The following CNTNAP5 variants were observed in gnomAD, a reference collection of about 807,000 sequenced individuals.
CNTNAP5 encodes the protein contactin-associated protein-like 5.
Under a neutral mutation model 150.2 loss-of-function variants are expected in CNTNAP5, and 72 were observed. The ratio of observed to expected loss-of-function variants is 0.48; its 90% CI spans 0.40 to 0.58. CNTNAP5 has a LOEUF of 0.58. CNTNAP5 is among the 20% of genes least tolerant of loss of function. CNTNAP5 has a pLI of 0.00. For missense variants in CNTNAP5, 1,636 were observed against 1,626.2 expected (o/e 1.01, Z -0.10); for synonymous variants, 672 against 619.8 (o/e 1.08, Z -1.25).
intron 1 of CNTNAP5, among the ~76,000 whole-genome samples, chr2:124,212,899 C>T (rs1686054620): frequency 1.6e-5 from 2 of 126,324 alleles, no homozygotes; most frequent in South Asian, 2.5e-4. Flanking sequence ...CGTGCAATGG[C>T]GCTATCTCTG....
At chr2:124,499,998 C>T (rs895476298) in intron 7 of CNTNAP5, among the ~76,000 whole-genome samples, 1 of 151,954 alleles carries the variant, frequency 6.6e-6, no homozygotes, top group African/African-American at 2.4e-5. Flanking sequence ...GTTGTAAATC[C>T]CAGCCTGAAC....
intron 3 of CNTNAP5, among the ~76,000 whole-genome samples, chr2:124,265,036 G>C (rs1418212172): frequency 6.6e-6 from 1 of 152,232 alleles, no homozygotes; most frequent in African/African-American, 2.4e-5. Context: ...CCCATAAATG[G>C]TGTTGCTAGA....
At position 124,533,443 on chromosome 2, in the gene CNTNAP5, C is replaced by G. The variant is rs114900387; in HGVS notation, c.1649+5987C>G. 3.3e-5 allele frequency among the ~76,000 whole-genome samples: 5 copies of G among 152,128 alleles called. No homozygotes were observed. In the East Asian group the frequency reaches 7.7e-4, roughly 23 times the overall value. On this transcript the variant is annotated intron_variant, in intron 10 of 23. Coordinates refer to ENST00000682447, the MANE Select transcript of CNTNAP5 (RefSeq NM_001367498.1). Reference sequence around the variant, plus strand: ...GCTGCTACTGGGCTGGCCTGGTGGCCGTACTCTGAGAACAATGCTGTAAAG... The same window carrying G: ...GCTGCTACTGGGCTGGCCTGGTGGCGGTACTCTGAGAACAATGCTGTAAAG...
intron 7 of CNTNAP5, among the ~76,000 whole-genome samples, chr2:124,478,909 C>T (rs574757304): frequency 3.2e-4 from 49 of 152,312 alleles, no homozygotes; most frequent in African/African-American, 1.0e-3. Flanking sequence ...CCTAACCTAA[C>T]GTATGCCTCT....
At chr2:124,726,716 G>T (rs1298161822) in intron 13 of CNTNAP5, among the ~76,000 whole-genome samples, 1 of 151,584 alleles carries the variant, frequency 6.6e-6, no homozygotes, top group African/African-American at 2.4e-5. Context: ...AGTTTCTTAT[G>T]GATTTTGATG....
chr2:124,054,735 G>A (rs1681800144), intron 1 of CNTNAP5, among the ~76,000 whole-genome samples: 1 of 152,110 alleles, frequency 6.6e-6, no homozygotes, highest in African/African-American at 2.4e-5. Context: ...ATAACTCACA[G>A]CACTCAAGCC....
At chr2:124,776,169 G>A (rs576402533) in intron 17 of CNTNAP5, among the ~76,000 whole-genome samples, 3 of 152,098 alleles carry the variant, frequency 2.0e-5, no homozygotes, top group Non-Finnish European at 2.9e-5. Context: ...CAAACTTAAC[G>A]CAAGATCTTT....
chr2:124,615,231 G>A (rs944852744), intron 12 of CNTNAP5, among the ~76,000 whole-genome samples: 2 of 152,244 alleles, frequency 1.3e-5, no homozygotes, highest in African/African-American at 4.8e-5. Context: ...CTTTTATGAA[G>A]GATTTCTGTG....
rs1354436081 is a variant in CNTNAP5 at position 124,160,934 on chromosome 2, T to A, written c.83-60771T>A. 2.0e-5 allele frequency among the ~76,000 whole-genome samples: 3 copies of A among 152,286 alleles called. No homozygotes were observed. The East Asian group carries it at 5.8e-4, about 29-fold the overall frequency. On this transcript the variant is annotated intron_variant, in intron 1 of 23. Coordinates refer to ENST00000682447, the MANE Select transcript of CNTNAP5 (RefSeq NM_001367498.1). ...CCTTATATTGTTTGTTTGTACTATA[T>A]CCTGCCAGTTTCACAAAGGCTTTGG...
At chr2:124,727,557 T>C (rs1255406220) in intron 13 of CNTNAP5, among the ~76,000 whole-genome samples, 2 of 152,014 alleles carry the variant, frequency 1.3e-5, no homozygotes, top group African/African-American at 4.8e-5. Flanking sequence ...TATTTCTAAG[T>C]AAATTCATTC....
intron 5 of CNTNAP5, among the ~76,000 whole-genome samples, chr2:124,445,995 C>T (rs1311923142): frequency 6.6e-6 from 1 of 152,052 alleles, no homozygotes; most frequent in Non-Finnish European, 1.5e-5. Context: ...GCAAAGCATG[C>T]CTTTCCAGCT....
chr2:124,530,948 A>T (rs574223242), intron 10 of CNTNAP5, among the ~76,000 whole-genome samples: 41 of 152,228 alleles, frequency 2.7e-4, no homozygotes, highest in South Asian at 1.5e-3. Flanking sequence ...TTTGGCATTC[A>T]GGGACTGGGG....
At chr2:124,087,684 T>C (rs887652859) in intron 1 of CNTNAP5, among the ~76,000 whole-genome samples, 1 of 151,856 alleles carries the variant, frequency 6.6e-6, no homozygotes, top group Admixed American at 6.5e-5. Context: ...ATGGTGCCAC[T>C]GTACTCCAGC....
At chr2:124,112,296 C>CA (rs1683316890) in intron 1 of CNTNAP5, among the ~76,000 whole-genome samples, 1 of 152,132 alleles carries the variant, frequency 6.6e-6, no homozygotes, top group African/African-American at 2.4e-5. Flanking sequence ...ACTATTTGGA[C>CA]AAGAATGTCT....
At chr2:124,078,332 T>G (rs1682485868) in intron 1 of CNTNAP5, among the ~76,000 whole-genome samples, 1 of 152,240 alleles carries the variant, frequency 6.6e-6, no homozygotes, top group Non-Finnish European at 1.5e-5. Context: ...AATAGCTTAT[T>G]GTATATAGGC....
chr2:124,438,618 A>T (rs770832718), intron 5 of CNTNAP5, among the ~76,000 whole-genome samples: 1 of 152,182 alleles, frequency 6.6e-6, no homozygotes, highest in Admixed American at 6.6e-5. Context: ...TGATTGCATA[A>T]TCAACCACTG....
At chr2:124,227,986 G>T (rs1349879983) in intron 2 of CNTNAP5, among the ~76,000 whole-genome samples, 1 of 151,598 alleles carries the variant, frequency 6.6e-6, no homozygotes, top group Non-Finnish European at 1.5e-5. Context: ...TATGAAAATG[G>T]GCTCACATGA....
rs139680306 is a variant in CNTNAP5 at position 124,904,065 on chromosome 2, CA to C, written c.3655+978del. Among the ~76,000 whole-genome samples, 358 of 123,958 alleles carry C rather than the reference CA, an allele frequency of 2.9e-3. 2 individuals carry two copies. Among genetic ancestry groups the C allele is most frequent in the Non-Finnish European group, 4.4e-3 (275 of 61,832 alleles). The allele number at this position is 123,958 out of a possible 152,430, so 81.3% of individuals were successfully genotyped here. ...TGAGACTCTGTTTCAAAAAAAAAAA[CA>C]AAAAAAAAAAAACCAAAATGTATCA... is the stretch of plus-strand genomic sequence containing the variant. On this transcript the variant is annotated intron_variant, in intron 22 of 23. Coordinates refer to ENST00000682447, the MANE Select transcript of CNTNAP5 (RefSeq NM_001367498.1).
At chr2:124,618,265 TA>T (rs201209830) in intron 12 of CNTNAP5, among the ~76,000 whole-genome samples, 1 of 150,744 alleles carries the variant, frequency 6.6e-6, no homozygotes, top group East Asian at 1.9e-4. Context: ...TGAAAAAAAT[TA>T]AAAAAAAAGA....
Sources: allele counts gnomAD v4.1 joint callset (sites outside exome capture counted in the v4.1 genomes callset), GRCh38; gene constraint gnomAD v4.1.1; transcripts MANE v1.5; gene names NCBI Gene and HGNC (gene_info 2026-07-23, HGNC 2026-07-21).